CDH2: variants seen among roughly 807,000 people sequenced by gnomAD.
The protein encoded by CDH2 is cadherin-2.
A neutral mutation model predicts 92.0 loss-of-function variants in CDH2; 17 were observed. The observed-to-expected ratio is 0.18, with a 90% CI of 0.13 to 0.28. The LOEUF (loss-of-function observed/expected upper bound fraction) is 0.28, where lower values mean the gene tolerates loss of function less well. Ranked by LOEUF, CDH2 falls within the 10% of genes least tolerant of loss-of-function variation. The pLI, the probability that CDH2 is intolerant of heterozygous loss-of-function variation, is 1.00. For synonymous variants in CDH2, 419 were observed against 415.9 expected, an observed-to-expected ratio of 1.01 and a Z score of -0.09; for missense variants, 862 against 1,133.1, an observed-to-expected ratio of 0.76 and a Z score of 3.44.
chr18:27,988,067 A>G (rs181378558), intron 11 of CDH2, among the ~76,000 whole-genome samples: 2 of 152,338 alleles, frequency 1.3e-5, no homozygotes. Flanking sequence ...TAAAACCCAT[A>G]CCCTGAAGCT....
chr18:28,103,332 CCTTT>C (rs1293655509), intron 2 of CDH2, among the ~76,000 whole-genome samples: 1 of 124,784 alleles, frequency 8.0e-6, no homozygotes, highest in Non-Finnish European at 1.8e-5. Context: ...TATAAAAACT[CCTTT>C]ATATATATAA....
chr18:27,933,055 A>G (rs1232214051), exon 7 of CDH2, among the ~76,000 whole-genome samples: 2 of 152,140 alleles, frequency 1.3e-5, no homozygotes, highest in African/African-American at 2.4e-5. Flanking sequence ...GGCATGATAG[A>G]TGCATTGCTG....
intron 15 of CDH2, among the ~76,000 whole-genome samples, chr18:27,955,101 T>C (rs953106079): frequency 1.2e-4 from 19 of 152,062 alleles, no homozygotes; most frequent in Admixed American, 5.3e-4. Context: ...ACAGAGACAA[T>C]GGCTAAGATC....
intron 2 of CDH2, chr18:28,097,163 A>G (rs1324971019): frequency 6.6e-6 from 1 of 152,172 alleles, no homozygotes; most frequent in Non-Finnish European, 1.5e-5. Context: ...AGGATAAAAG[A>G]AAGTAGTATC....
At chr18:28,006,218 T>C (rs1349264152) in intron 5 of CDH2, among the ~76,000 whole-genome samples, 1 of 152,182 alleles carries the variant, frequency 6.6e-6, no homozygotes, top group Non-Finnish European at 1.5e-5. Flanking sequence ...CAGAGCACAA[T>C]GGATTTTAAC....
intron 14 of CDH2, among the ~76,000 whole-genome samples, chr18:27,968,269 A>G (rs2011577626): frequency 6.6e-6 from 1 of 152,192 alleles, no homozygotes; most frequent in Non-Finnish European, 1.5e-5. Context: ...AAGGTCACAG[A>G]CTCACTTAAG....
At position 28,077,628 on chromosome 18, in the gene CDH2, C is replaced by T. The variant is rs186931725; in HGVS notation, c.173-63719G>A. ...AGTGAGGGCCAGGCACAGTGGCTCA[C>T]GCCTGTAATCCCACCAGTTTGGGAG... On this transcript the variant is annotated intron_variant, in intron 2 of 15. Transcript: ENST00000269141. Among the ~76,000 whole-genome samples the T allele has an allele frequency of 1.7e-3, 259 of 152,190 alleles. 2 individuals carry two copies. Among genetic ancestry groups the T allele is most frequent in the African/African-American group, 6.0e-3 (248 of 41,552 alleles).
At position 27,990,132 on chromosome 18, in the gene CDH2, A is replaced by G. The variant is rs773390603; in HGVS notation, c.1563T>C (p.Ala521=). ...HAGTMLTTFT[A]QDPDRYMQQN... is the part of the protein sequence containing the mutation. ...GCTGCATATATCGATCTGGGTCCTG[A>G]GCAGTGAATGTTGTCAACATGGTAC... is the stretch of plus-strand genomic sequence containing the variant. The change falls in exon 10 of 16, where the codon GCT becomes GCC. Residue 521 remains alanine (A), a synonymous_variant. Coordinates refer to ENST00000269141, the MANE Select transcript of CDH2 (RefSeq NM_001792.5). 1.2e-6 allele frequency: 2 copies of G among 1,614,064 alleles called. No homozygotes were observed. The highest frequency in any genetic ancestry group is 1.1e-5 in the South Asian group (1 of 91,076).
At chr18:28,020,830 T>C (rs17445875) in intron 2 of CDH2, among the ~76,000 whole-genome samples, 25,755 of 151,952 alleles carry the variant, frequency 0.17, 2,458 homozygotes, top group South Asian at 0.3. Context: ...AATAATGCAT[T>C]GTTATTTATT....
At chr18:28,163,139 C>T (rs2016330607) in intron 1 of CDH2, among the ~76,000 whole-genome samples, 3 of 152,170 alleles carry the variant, frequency 2.0e-5, no homozygotes, top group African/African-American at 7.2e-5. Context: ...CATAGAAAAA[C>T]TCTCATCAGA....
chr18:28,176,473 G>C (rs939925638), intron 1 of CDH2, among the ~76,000 whole-genome samples: 5 of 152,196 alleles, frequency 3.3e-5, no homozygotes, highest in Admixed American at 3.3e-4. Context: ...GGAGGCGCAC[G>C]GGTGCAGGGT....
chr18:28,176,536 A>T (rs771592593), intron 1 of CDH2, among the ~76,000 whole-genome samples: 7 of 152,140 alleles, frequency 4.6e-5, no homozygotes, highest in Non-Finnish European at 1.0e-4. Context: ...GAGAATTCCT[A>T]CTGTAAACTC....
intron 2 of CDH2, among the ~76,000 whole-genome samples, chr18:28,076,550 T>A (rs1361355175): frequency 9.2e-5 from 14 of 152,330 alleles, no homozygotes; most frequent in African/African-American, 3.4e-4. Context: ...TTTCCTTTTT[T>A]TAAATTATAC....
intron 14 of CDH2, among the ~76,000 whole-genome samples, chr18:27,973,920 CTG>C (rs1446130888): frequency 2.0e-5 from 3 of 152,168 alleles, no homozygotes; most frequent in Non-Finnish European, 4.4e-5. Context: ...CCCTGAATGA[CTG>C]TGTAGAGAGA....
intron 2 of CDH2, among the ~76,000 whole-genome samples, chr18:28,104,893 G>A (rs575515481): frequency 9.9e-4 from 151 of 152,032 alleles, no homozygotes; most frequent in African/African-American, 3.5e-3. Context: ...CTTGTAGATA[G>A]ATAGATACTC....
intron 14 of CDH2, among the ~76,000 whole-genome samples, chr18:27,971,762 A>G (rs1474353338): frequency 6.6e-6 from 1 of 152,220 alleles, no homozygotes; most frequent in Non-Finnish European, 1.5e-5. Flanking sequence ...ATGAATGAAT[A>G]ACTTGGGAAC....
chr18:27,995,122 C>T (rs896944361), intron 7 of CDH2, among the ~76,000 whole-genome samples: 1 of 151,742 alleles, frequency 6.6e-6, no homozygotes, highest in African/African-American at 2.4e-5. Flanking sequence ...ACTAGTCTGG[C>T]CAACATAGTG....
chr18:27,954,693 G>C (rs1467486985), intron 15 of CDH2: 1 of 152,166 alleles, frequency 6.6e-6, no homozygotes, highest in Non-Finnish European at 1.5e-5. Context: ...TGGTACCTTA[G>C]CTAACAAAAG....
chr18:27,965,986 A>G (rs936105606), intron 14 of CDH2, among the ~76,000 whole-genome samples: 1 of 143,348 alleles, frequency 7.0e-6, no homozygotes, highest in African/African-American at 2.6e-5. Context: ...ACTCTGTCTA[A>G]AAGGAAAAAA....
Sources: allele counts gnomAD v4.1 joint callset (sites outside exome capture counted in the v4.1 genomes callset), GRCh38; gene constraint gnomAD v4.1.1; transcripts MANE v1.5; gene names NCBI Gene and HGNC (gene_info 2026-07-23, HGNC 2026-07-21).